The following PCDH15 variants were observed in gnomAD, a reference collection of about 807,000 sequenced individuals.
PCDH15 encodes protocadherin-15.
A neutral mutation model predicts 178.5 loss-of-function variants in PCDH15; 129 were observed. That is an observed-to-expected ratio of 0.72 (90% confidence interval 0.63 to 0.84). The LOEUF is 0.84. Ranked by LOEUF, PCDH15 falls within the 40% of genes least tolerant of loss-of-function variation. The pLI is 0.00. For synonymous variants in PCDH15, 800 were observed against 732.0 expected, an observed-to-expected ratio of 1.09 and a Z score of -1.50; for missense variants, 2,230 against 2,099.9, an observed-to-expected ratio of 1.06 and a Z score of -1.21.
chr10:54,283,659 AC>A (rs1158746378), intron 8 of PCDH15, among the ~76,000 whole-genome samples: 14 of 152,140 alleles, frequency 9.2e-5, no homozygotes, highest in East Asian at 5.8e-4. Flanking sequence ...CTAACAAAAA[AC>A]ATCCTGAATA....
At chr10:54,663,270 T>C (rs2094519268) in intron 2 of PCDH15, among the ~76,000 whole-genome samples, 1 of 151,832 alleles carries the variant, frequency 6.6e-6, no homozygotes, top group Non-Finnish European at 1.5e-5. Context: ...GCAACCAGTT[T>C]GCTTGTCTGT....
intron 8 of PCDH15, among the ~76,000 whole-genome samples, chr10:54,267,662 T>C (rs942425332): frequency 1.3e-5 from 2 of 151,460 alleles, no homozygotes; most frequent in Non-Finnish European, 3.0e-5. Context: ...AAGAACACAA[T>C]CCCATTTATG....
intron 7 of PCDH15, among the ~76,000 whole-genome samples, chr10:54,319,097 A>G (rs1401809761): frequency 6.6e-6 from 1 of 152,216 alleles, no homozygotes; most frequent in Non-Finnish European, 1.5e-5. Flanking sequence ...TGGTGGTGGT[A>G]GCATCATTCA....
In PCDH15 at chr10:55,140,498, A is replaced by C. The variant is rs111572476; in HGVS notation, c.-80+26078T>G. On this transcript the variant is annotated intron_variant, in intron 2 of 5. Transcript: ENST00000458638. ...TTCTTCTTTAGCCTATGTATATATT[A>C]GATTACATGGATTAATTTGCACGTA... 2.5e-3 allele frequency among the ~76,000 whole-genome samples: 375 copies of C among 152,082 alleles called. 2 individuals carry two copies. The highest frequency in any genetic ancestry group is 8.1e-3 in the African/African-American group (338 of 41,548).
chr10:55,485,169 G>C (rs1428357810), intron 2 of PCDH15, among the ~76,000 whole-genome samples: 1 of 151,572 alleles, frequency 6.6e-6, no homozygotes, highest in Non-Finnish European at 1.5e-5. Flanking sequence ...AATGTATAAG[G>C]ACCATAACTC....
intron 16 of PCDH15, among the ~76,000 whole-genome samples, chr10:54,088,576 G>A (rs181553343): frequency 7.9e-5 from 12 of 152,138 alleles, no homozygotes; most frequent in Admixed American, 3.9e-4. Flanking sequence ...CAATTTTATC[G>A]TTAATCTTTG....
chr10:53,947,085 C>A (rs2086640744), intron 23 of PCDH15, among the ~76,000 whole-genome samples: 1 of 152,030 alleles, frequency 6.6e-6, no homozygotes, highest in Non-Finnish European at 1.5e-5. Flanking sequence ...CATATATATC[C>A]TTTTAATATT....
chr10:54,259,469 C>T (rs1216655361), intron 8 of PCDH15, among the ~76,000 whole-genome samples: 1 of 152,024 alleles, frequency 6.6e-6, no homozygotes, highest in Non-Finnish European at 1.5e-5. Flanking sequence ...GATCACCAAT[C>T]CCAAATATGT....
chr10:55,531,231 T>C (rs1394530770), intron 2 of PCDH15, among the ~76,000 whole-genome samples: 3 of 151,994 alleles, frequency 2.0e-5, no homozygotes. Context: ...TTTATCTTCC[T>C]CATTGCTACC....
intron 3 of PCDH15, among the ~76,000 whole-genome samples, chr10:54,440,526 C>A (rs367784245): frequency 6.6e-6 from 1 of 151,706 alleles, no homozygotes; most frequent in Non-Finnish European, 1.5e-5. Context: ...TTTTTTAATG[C>A]GGTATCAAAT....
chr10:53,996,791 G>A (rs1429442786), intron 20 of PCDH15, among the ~76,000 whole-genome samples: 2 of 151,962 alleles, frequency 1.3e-5, no homozygotes, highest in East Asian at 1.9e-4. Context: ...TTACCCTACC[G>A]TGTTTTGGGT....
At chr10:54,175,474 T>A (rs2133695092) in intron 13 of PCDH15, among the ~76,000 whole-genome samples, 1 of 152,330 alleles carries the variant, frequency 6.6e-6, no homozygotes, top group Admixed American at 6.5e-5. Context: ...CTTTACATAA[T>A]TTATGAGAAT....
At chr10:54,471,895 A>C (rs556938235) in intron 3 of PCDH15, among the ~76,000 whole-genome samples, 1 of 152,214 alleles carries the variant, frequency 6.6e-6, no homozygotes, top group East Asian at 1.9e-4. Context: ...TTTTTTCAAA[A>C]AAGTAATTAT....
At chr10:53,892,749 C>T (rs983565750) in intron 26 of PCDH15, among the ~76,000 whole-genome samples, 11 of 151,944 alleles carry the variant, frequency 7.2e-5, no homozygotes, top group South Asian at 2.1e-4. Context: ...CTATTTGAAA[C>T]GGAATATCAA....
At chr10:55,289,799 G>T (rs1377553137) in intron 1 of PCDH15, among the ~76,000 whole-genome samples, 1 of 152,002 alleles carries the variant, frequency 6.6e-6, no homozygotes, top group Non-Finnish European at 1.5e-5. Flanking sequence ...AGATGATAGG[G>T]TCACCAGGGT....
chr10:55,622,160 T>C (rs1253795627), intron 2 of PCDH15, among the ~76,000 whole-genome samples: 4 of 89,200 alleles, frequency 4.5e-5, no homozygotes, highest in Admixed American at 1.4e-4. Context: ...TATAAATATA[T>C]ATATTATATA....
intron 1 of PCDH15, among the ~76,000 whole-genome samples, chr10:55,269,654 A>AT (rs1364208679): frequency 1.3e-5 from 2 of 152,136 alleles, no homozygotes. Context: ...AAGGGAAAAC[A>AT]TTTTATGTTC....
intron 2 of PCDH15, among the ~76,000 whole-genome samples, chr10:54,920,957 C>A (rs963187218): frequency 6.6e-6 from 1 of 152,108 alleles, no homozygotes; most frequent in Admixed American, 6.5e-5. Flanking sequence ...TAAAAAAGTG[C>A]CTTAAAATCA....
At chr10:54,568,023 G>A (rs1427030310) in intron 2 of PCDH15, among the ~76,000 whole-genome samples, 1 of 151,804 alleles carries the variant, frequency 6.6e-6, no homozygotes, top group Non-Finnish European at 1.5e-5. Flanking sequence ...TAAAACCTTG[G>A]GCCCACTTGA....
Sources: gnomAD v4.1 joint callset for allele counts (sites outside exome capture counted in the v4.1 genomes callset) on GRCh38, gnomAD v4.1.1 for gene constraint, MANE v1.5 for transcripts, NCBI Gene and HGNC (gene_info 2026-07-23, HGNC 2026-07-21) for gene names.